ARAP2: variants seen among roughly 807,000 people sequenced by gnomAD.
ARAP2 encodes arf-GAP with Rho-GAP domain, ANK repeat and PH domain-containing protein 2.
Under a neutral mutation model 194.5 loss-of-function variants are expected in ARAP2, and 148 were observed. The observed-to-expected ratio is 0.76, with a 90% CI of 0.67 to 0.87. The LOEUF (loss-of-function observed/expected upper bound fraction) is 0.87, where lower values mean the gene tolerates loss of function less well. Ranked by LOEUF, ARAP2 falls within the 40% of genes least tolerant of loss-of-function variation. The probability of loss-of-function intolerance (pLI) is 0.00; values close to 1 mark genes in which losing one functional copy is unlikely to be tolerated. For synonymous variants in ARAP2, 695 were observed against 683.5 expected (o/e 1.02, Z -0.26); for missense variants, 2,128 against 1,989.7 (o/e 1.07, Z -1.32).
intron 3 of ARAP2, among the ~76,000 whole-genome samples, chr4:36,049,970 C>T (rs752875541): frequency 8.6e-5 from 13 of 151,966 alleles, no homozygotes; most frequent in Non-Finnish European, 1.6e-4. Context: ...TTTATTTTTG[C>T]GGTAATTAGT....
chr4:36,099,169 C>T (rs1395537746), intron 27 of ARAP2, among the ~76,000 whole-genome samples: 1 of 151,890 alleles, frequency 6.6e-6, no homozygotes, highest in Non-Finnish European at 1.5e-5. Flanking sequence ...TTTTCTGTTC[C>T]CGTGTTAGTT....
rs371952554 is a variant in ARAP2, at chr4:36,161,446, C to T, written c.2259+19G>A. The T allele has an allele frequency of 6.3e-7, 1 of 1,599,072 alleles. No homozygotes were observed. The highest frequency in any genetic ancestry group is 1.1e-5 in the South Asian group (1 of 90,724). On this transcript the variant is annotated intron_variant, in intron 12 of 32. Transcript: ENST00000303965. ...ACTGAACCCCTATCACAACCCCATT[C>T]AGGTTAAATAGGACTCACCTCGATG...
chr4:36,096,849 T>C (rs933731894), intron 27 of ARAP2, among the ~76,000 whole-genome samples: 3 of 152,270 alleles, frequency 2.0e-5, no homozygotes, highest in Non-Finnish European at 4.4e-5. Flanking sequence ...AAACATTGTA[T>C]GGACTTGGTC....
At chr4:36,243,566 G>A (rs1753999927) in intron 1 of ARAP2, 1 of 151,972 alleles carries the variant, frequency 6.6e-6, no homozygotes, top group South Asian at 2.1e-4. Context: ...AAGGTAGGAG[G>A]TGTTTAAGAA....
intron 1 of ARAP2, among the ~76,000 whole-genome samples, chr4:36,058,866 TAAAG>T (rs1445270495): frequency 1.3e-5 from 2 of 152,036 alleles, no homozygotes; most frequent in Non-Finnish European, 2.9e-5. Context: ...AGTAAGAAGA[TAAAG>T]GGGATAGCAG....
At chr4:36,061,669 G>T (rs1022856307), downstream of ARAP2, among the ~76,000 whole-genome samples, 1 of 151,866 alleles carries the variant, frequency 6.6e-6, no homozygotes, top group East Asian at 1.9e-4. Flanking sequence ...CTTTCTTTGG[G>T]GTATATATAC....
Position 36,161,565 on chromosome 4 carries a change from C to T in ARAP2, c.2174-15G>A. 1 of 1,581,222 alleles carries T rather than the reference C, an allele frequency of 6.3e-7. No homozygotes were observed. The highest frequency in any genetic ancestry group is 8.7e-7 in the Non-Finnish European group (1 of 1,151,170). On this transcript the variant is annotated splice_polypyrimidine_tract_variant and intron_variant, in intron 11 of 32. Coordinates refer to ENST00000303965, the MANE Select transcript of ARAP2 (RefSeq NM_015230.4). The stretch of plus-strand genomic sequence containing the variant: ...TCTATGCTGTCCTAGAGTCAAAACA[C>T]AATTGCATTTCTATTTTAATTTGTA...
chr4:36,105,157 T>A (rs1718042541), intron 27 of ARAP2, among the ~76,000 whole-genome samples: 1 of 151,894 alleles, frequency 6.6e-6, no homozygotes, highest in African/African-American at 2.4e-5. Context: ...CAGTCTCCAA[T>A]AAAAATACAA....
At chr4:36,106,742 TTCAAAA>T (rs1718506303) in intron 27 of ARAP2, among the ~76,000 whole-genome samples, 7 of 152,008 alleles carry the variant, frequency 4.6e-5, no homozygotes, top group Non-Finnish European at 1.0e-4. Flanking sequence ...ATTTGTAAAA[TTCAAAA>T]GGTAATATAA....
chr4:36,104,003 G>A (rs917509001), intron 27 of ARAP2, among the ~76,000 whole-genome samples: 2 of 151,816 alleles, frequency 1.3e-5, no homozygotes, highest in Non-Finnish European at 2.9e-5. Flanking sequence ...CTCCTAAAAC[G>A]AATGAAATGC....
In ARAP2 at chr4:36,124,919, C is replaced by A; in HGVS notation, c.3689G>T (p.Arg1230Leu). 1.2e-6 allele frequency: 2 copies of A among 1,610,676 alleles called. No individual in the cohort carries two copies. The highest frequency in any genetic ancestry group is 1.7e-4 in the Middle Eastern group (1 of 6,046). The change falls in exon 22 of 33, where the codon CGT (arginine) becomes CTT (leucine). Residue 1230 changes from arginine to leucine, a missense_variant. By Grantham distance (102) the Arg-to-Leu change is moderately radical. Transcript: ENST00000303965. ...ERIKKYGAFI[R>L]SLPGVNRATL... is the part of the protein sequence containing the mutation. Reference sequence around the variant, plus strand: ...TGCTCGGTTGACCCCTGGAAGAGAACGTATAAATGCTCCATATTTTTTAAT... The same window carrying A: ...TGCTCGGTTGACCCCTGGAAGAGAAAGTATAAATGCTCCATATTTTTTAAT...
chr4:36,044,539 A>G (rs1052647697), intron 5 of ARAP2, among the ~76,000 whole-genome samples: 5 of 152,182 alleles, frequency 3.3e-5, no homozygotes, highest in African/African-American at 1.2e-4. Context: ...CACCCCATAT[A>G]TAAGAATCAA....
chr4:36,009,236 C>T (rs1217239976), intron 9 of ARAP2, among the ~76,000 whole-genome samples: 1 of 151,896 alleles, frequency 6.6e-6, no homozygotes, highest in Non-Finnish European at 1.5e-5. Context: ...CCAAAAAGAA[C>T]AATATGTTCA....
intron 8 of ARAP2, among the ~76,000 whole-genome samples, chr4:36,182,103 A>G (rs1223618432): frequency 7.9e-5 from 12 of 152,216 alleles, no homozygotes; most frequent in Non-Finnish European, 1.8e-4. Context: ...CAACCACAGT[A>G]CAGGAGAAAG....
intron 9 of ARAP2, among the ~76,000 whole-genome samples, chr4:36,009,088 C>T (rs1197584662): frequency 2.0e-5 from 3 of 152,098 alleles, no homozygotes; most frequent in African/African-American, 7.2e-5. Context: ...AACACATACA[C>T]TGCTGCTGAG....
intron 24 of ARAP2, 131 bp downstream of exon 24, chr4:36,119,519 T>TA: frequency 2.3e-6 from 1 of 426,518 alleles, no homozygotes; most frequent in Non-Finnish European, 3.9e-6. Context: ...AACCAATTAG[T>TA]TTTTTTTTTC....
chr4:36,017,312 G>A (rs565962176), intron 6 of ARAP2, among the ~76,000 whole-genome samples: 12 of 151,374 alleles, frequency 7.9e-5, no homozygotes, highest in Admixed American at 2.0e-4. Context: ...CACTTTTCTT[G>A]GCATTAAGGA....
At chr4:36,016,961 G>A (rs1054642588) in intron 6 of ARAP2, among the ~76,000 whole-genome samples, 13 of 151,940 alleles carry the variant, frequency 8.6e-5, no homozygotes, top group Non-Finnish European at 1.5e-4. Flanking sequence ...AGTCTGACAA[G>A]GCCACATTCA....
intron 27 of ARAP2, among the ~76,000 whole-genome samples, chr4:36,096,571 G>T (rs1007761646): frequency 6.6e-6 from 1 of 151,898 alleles, no homozygotes; most frequent in African/African-American, 2.4e-5. Context: ...GAAGTGCCCA[G>T]GATTAATCAC....
Sources: gnomAD v4.1 joint callset for allele counts (sites outside exome capture counted in the v4.1 genomes callset) on GRCh38, gnomAD v4.1.1 for gene constraint, MANE v1.5 for transcripts, NCBI Gene and HGNC (gene_info 2026-07-23, HGNC 2026-07-21) for gene names.